The following SYT14 variants were observed in gnomAD, a reference collection of about 807,000 sequenced individuals.
SYT14 encodes the protein synaptotagmin-14.
SYT14 carries 32 observed loss-of-function variants against 74.2 expected under a neutral mutation model. The observed-to-expected ratio is 0.43, with a 90% CI of 0.33 to 0.58. The LOEUF is 0.58. SYT14 is among the 20% of genes least tolerant of loss of function. The probability of loss-of-function intolerance (pLI) is 0.05; values close to 1 mark genes in which losing one functional copy is unlikely to be tolerated. For missense variants in SYT14, 791 were observed against 981.8 expected (o/e 0.81, Z 2.60); for synonymous variants, 298 against 337.7 (o/e 0.88, Z 1.29).
chr1:210,015,985 A>C (rs1460435880), exon 4 of SYT14: 14 of 1,231,898 alleles, frequency 1.1e-5, no homozygotes, highest in South Asian at 4.1e-5. Flanking sequence ...TGCACCTTTT[A>C]GGAACAAGGA....
At chr1:210,130,506 C>T (rs2082652304) in intron 7 of SYT14, among the ~76,000 whole-genome samples, 1 of 152,100 alleles carries the variant, frequency 6.6e-6, no homozygotes, top group Admixed American at 6.5e-5. Flanking sequence ...CTGACAAATT[C>T]ATCATTTCCT....
intron 1 of SYT14, among the ~76,000 whole-genome samples, chr1:209,942,374 G>A (rs75623049): frequency 7.5e-4 from 22 of 29,468 alleles, no homozygotes; most frequent in South Asian, 1.6e-3. Flanking sequence ...CCCCCCCCCC[G>A]CTCTGTTGTG....
intron 2 of SYT14, among the ~76,000 whole-genome samples, chr1:210,008,193 C>T (rs1297800325): frequency 6.6e-6 from 1 of 152,078 alleles, no homozygotes; most frequent in Non-Finnish European, 1.5e-5. Context: ...TGATATTGTT[C>T]AGGTTGTTAT....
At chr1:210,155,095 C>A (rs2083241242) in intron 7 of SYT14, among the ~76,000 whole-genome samples, 1 of 152,094 alleles carries the variant, frequency 6.6e-6, no homozygotes, top group Admixed American at 6.5e-5. Flanking sequence ...TTAAATGCAT[C>A]CAAATTTGGG....
At chr1:209,977,337 C>G (rs1217443162) in intron 2 of SYT14, among the ~76,000 whole-genome samples, 1 of 152,180 alleles carries the variant, frequency 6.6e-6, no homozygotes, top group African/African-American at 2.4e-5. Flanking sequence ...TTTGCAGTGG[C>G]TGGTACTGGT....
intron 7 of SYT14, among the ~76,000 whole-genome samples, chr1:210,111,062 A>G (rs1167470562): frequency 6.6e-6 from 1 of 152,112 alleles, no homozygotes; most frequent in Non-Finnish European, 1.5e-5. Context: ...TAACTTATCT[A>G]TGTAAACCCA....
chr1:210,017,442 A>G (rs994050338), intron 4 of SYT14, among the ~76,000 whole-genome samples: 3 of 152,106 alleles, frequency 2.0e-5, no homozygotes, highest in Non-Finnish European at 2.9e-5. Flanking sequence ...GATGTGCTGT[A>G]GTTGCATTTG....
intron 5 of SYT14, among the ~76,000 whole-genome samples, chr1:210,036,532 T>C (rs772333609): frequency 1.3e-5 from 2 of 151,618 alleles, no homozygotes; most frequent in African/African-American, 2.4e-5. Context: ...GGGAATGCTT[T>C]CTTTTACCTA....
intron 2 of SYT14, among the ~76,000 whole-genome samples, chr1:210,013,363 C>T (rs2080122142): frequency 6.6e-6 from 1 of 151,856 alleles, no homozygotes; most frequent in Non-Finnish European, 1.5e-5. Context: ...AGCCACTGTG[C>T]CTGGCCGACT....
At chr1:210,168,404 A>G (rs2083479295) in exon 10 of SYT14, 1 of 152,176 alleles carries the variant, frequency 6.6e-6, no homozygotes, top group African/African-American at 2.4e-5. Flanking sequence ...ACTGTTAGAC[A>G]TTTGAGTTTG....
At chr1:210,154,746 CAG>C (rs915450738) in intron 7 of SYT14, among the ~76,000 whole-genome samples, 5 of 152,032 alleles carry the variant, frequency 3.3e-5, no homozygotes, top group Admixed American at 1.3e-4. Flanking sequence ...TCCTCTAGAA[CAG>C]AGTTTGGTTT....
chr1:210,071,957 G>A (rs1255969104), intron 5 of SYT14, among the ~76,000 whole-genome samples: 2 of 151,604 alleles, frequency 1.3e-5, no homozygotes. Context: ...TTTTATTACT[G>A]AAGAACTCAA....
At chr1:210,038,010 ATG>A (rs1445647082) in intron 5 of SYT14, among the ~76,000 whole-genome samples, 1 of 151,946 alleles carries the variant, frequency 6.6e-6, no homozygotes, top group African/African-American at 2.4e-5. Flanking sequence ...TTCTCTCTCG[ATG>A]ATCTGTCTCA....
chr1:210,068,576 T>C (rs926448190), intron 5 of SYT14, among the ~76,000 whole-genome samples: 3 of 151,776 alleles, frequency 2.0e-5, no homozygotes, highest in Non-Finnish European at 4.4e-5. Flanking sequence ...TACTTTAATG[T>C]AGGTGTCATT....
intron 5 of SYT14, among the ~76,000 whole-genome samples, chr1:210,075,344 T>TTG (rs1165220506): frequency 6.8e-5 from 9 of 133,292 alleles, no homozygotes; most frequent in Admixed American, 2.2e-4. Context: ...GAGGGTTTGT[T>TTG]TTTTTTTTTT....
chr1:210,036,493 G>T (rs762086413), intron 5 of SYT14, among the ~76,000 whole-genome samples: 1 of 151,976 alleles, frequency 6.6e-6, no homozygotes, highest in Non-Finnish European at 1.5e-5. Context: ...GAGAAAGTGG[G>T]CATCCTTGTC....
At position 209,953,970 on chromosome 1, in the gene SYT14, T is replaced by A. The variant is rs7415564; in HGVS notation, c.-486+1214T>A. Reference sequence around the variant, plus strand: ...AAATTTATGCATTGTTTTATTTCTCTACATAAACATTTGTAGTTTTCTGCT... The same window carrying A: ...AAATTTATGCATTGTTTTATTTCTCAACATAAACATTTGTAGTTTTCTGCT... On this transcript the variant is annotated intron_variant, in intron 2 of 9. Transcript: ENST00000637265. 2.7e-3 allele frequency among the ~76,000 whole-genome samples: 416 copies of A among 152,334 alleles called. 2 individuals carry two copies. Among genetic ancestry groups the A allele is most frequent in the African/African-American group, 9.6e-3 (398 of 41,588 alleles).
chr1:209,983,652 A>G (rs978036222), intron 2 of SYT14, among the ~76,000 whole-genome samples: 2 of 152,112 alleles, frequency 1.3e-5, no homozygotes, highest in African/African-American at 2.4e-5. Context: ...TTAGCTTATT[A>G]ATCTTACTTA....
chr1:210,162,286 A>C (rs1388513321), exon 10 of SYT14: 2 of 440,666 alleles, frequency 4.5e-6, no homozygotes, highest in Non-Finnish European at 9.0e-6. Flanking sequence ...TGTATTTGCA[A>C]AATTAAGCCT....
Sources: gnomAD v4.1 joint callset for allele counts (sites outside exome capture counted in the v4.1 genomes callset) on GRCh38, gnomAD v4.1.1 for gene constraint, MANE v1.5 for transcripts, NCBI Gene and HGNC (gene_info 2026-07-23, HGNC 2026-07-21) for gene names.